C6orf52: variants seen among roughly 807,000 people sequenced by gnomAD.
C6orf52 encodes putative uncharacterized protein C6orf52.
In C6orf52, 16 loss-of-function variants were observed where a neutral mutation model predicts 16.6. That is an observed-to-expected ratio of 0.96 (90% CI 0.65 to 1.46). The LOEUF (loss-of-function observed/expected upper bound fraction) is 1.46, where lower values mean the gene tolerates loss of function less well. Among genes scored for constraint, C6orf52 ranks in the 40% most tolerant of loss-of-function variants. The probability of loss-of-function intolerance (pLI) is 0.00; values close to 1 mark genes in which losing one functional copy is unlikely to be tolerated. For synonymous variants in C6orf52, 53 were observed against 61.4 expected (o/e 0.86, Z 0.64); for missense variants, 166 against 182.3 (o/e 0.91, Z 0.52).
rs1027957407 is a variant in C6orf52, at chr6:10,694,600, G to A, written c.-118C>T. 1.2e-5 allele frequency: 2 copies of A among 173,776 alleles called. No homozygotes were observed. The highest frequency in any genetic ancestry group is 2.5e-5 in the Non-Finnish European group (2 of 80,086). 10.8% of individuals were successfully genotyped at this position (173,776 alleles called of 1,614,324 possible). ...ACGCTGCCGGCGCTACAGCCCCTAA[G>A]CAACCGGCCGGAAGTCGGCCCCACC... On this transcript the variant is annotated 5_prime_UTR_variant, in exon 1 of 5. Transcript: ENST00000259983.
intron 4 of C6orf52, among the ~76,000 whole-genome samples, chr6:10,676,494 A>T (rs1481603491): frequency 6.6e-6 from 1 of 152,240 alleles, no homozygotes; most frequent in Non-Finnish European, 1.5e-5. Flanking sequence ...TGCCAATAGG[A>T]AAAAGCTACC....
chr6:10,679,744 T>A (rs986659837), intron 4 of C6orf52, among the ~76,000 whole-genome samples: 2 of 152,210 alleles, frequency 1.3e-5, no homozygotes, highest in East Asian at 3.8e-4. Flanking sequence ...AGACTTCTAA[T>A]ATTATGTTGA....
intron 4 of C6orf52, chr6:10,672,424 T>C (rs1767513428): frequency 5.8e-6 from 3 of 519,694 alleles, no homozygotes; most frequent in Admixed American, 3.5e-5. Context: ...ACCCCCACAA[T>C]GTGAAGGCAT....
rs1767409014 is a variant in C6orf52, at chr6:10,671,423, A to G, written c.*33T>C. ...CAAAACAAAAGACGACACAATTAGTATGATAATTGCGGAGTTTAATGAACA... is the reference window on the plus strand; with the variant it reads ...CAAAACAAAAGACGACACAATTAGTGTGATAATTGCGGAGTTTAATGAACA... On this transcript the variant is annotated 3_prime_UTR_variant, in exon 5 of 5. Transcript: ENST00000259983. 2 of 1,505,670 alleles carry G rather than the reference A, an allele frequency of 1.3e-6. No homozygotes were observed. The highest frequency in any genetic ancestry group is 1.8e-6 in the Non-Finnish European group (2 of 1,127,826). The allele number at this position is 1,505,670 out of a possible 1,614,324, so 93.3% of individuals were successfully genotyped here.
At chr6:10,694,657 G>T (rs1769715000), upstream of C6orf52, 1 of 247,444 alleles carries the variant, frequency 4.0e-6, no homozygotes, top group Non-Finnish European at 8.0e-6. Flanking sequence ...GAAGGGCTTC[G>T]CAGAGGATGT....
intron 1 of C6orf52, among the ~76,000 whole-genome samples, chr6:10,691,275 G>A (rs140725338): frequency 1.2e-3 from 177 of 152,242 alleles, no homozygotes; most frequent in African/African-American, 3.9e-3. Flanking sequence ...TTATTCGGCC[G>A]GGATCTTCGG....
chr6:10,692,783 CAA>C (rs1362765017), intron 1 of C6orf52, among the ~76,000 whole-genome samples: 6 of 152,078 alleles, frequency 3.9e-5, no homozygotes, highest in African/African-American at 9.7e-5. Context: ...CTAGGCCTCG[CAA>C]AGTGCTGGGA....
At chr6:10,682,203 G>T (rs950011169) in intron 4 of C6orf52, among the ~76,000 whole-genome samples, 8 of 152,102 alleles carry the variant, frequency 5.3e-5, no homozygotes, top group Non-Finnish European at 1.0e-4. Context: ...GTGAGACAAG[G>T]ACCCAGATTT....
At chr6:10,674,642 T>TC (rs201306955) in intron 4 of C6orf52, 27 of 145,990 alleles carry the variant, frequency 1.8e-4, no homozygotes, top group South Asian at 4.2e-4. Context: ...TTTCTTTCTT[T>TC]TTTTTTTTTT....
At chr6:10,688,598 CAG>C (rs1429328956) in intron 1 of C6orf52, among the ~76,000 whole-genome samples, 2 of 152,166 alleles carry the variant, frequency 1.3e-5, no homozygotes. Context: ...GGATCCCCCT[CAG>C]ATACCAAAAT....
chr6:10,684,927 C>T (rs1191011655), intron 3 of C6orf52: 2 of 1,274,092 alleles, frequency 1.6e-6, no homozygotes, highest in South Asian at 1.3e-5. Context: ...GGGGTCACTA[C>T]AGCCACAAAA....
intron 3 of C6orf52, among the ~76,000 whole-genome samples, chr6:10,683,852 A>T (rs1017573679): frequency 1.3e-5 from 2 of 152,352 alleles, no homozygotes; most frequent in East Asian, 3.9e-4. Context: ...CTACTGGGGC[A>T]GCATACGTTT....
intron 4 of C6orf52, among the ~76,000 whole-genome samples, chr6:10,677,748 G>C (rs931653903): frequency 6.6e-6 from 1 of 151,714 alleles, no homozygotes; most frequent in Non-Finnish European, 1.5e-5. Context: ...TGACCAGGCT[G>C]TTCTTGAACT....
intron 3 of C6orf52, among the ~76,000 whole-genome samples, chr6:10,686,194 A>G (rs1466061118): frequency 6.6e-6 from 1 of 152,162 alleles, no homozygotes; most frequent in Non-Finnish European, 1.5e-5. Flanking sequence ...TCTTGCCCAG[A>G]CCATAAGTGG....
intron 4 of C6orf52, among the ~76,000 whole-genome samples, chr6:10,682,866 G>A (rs866741243): frequency 2.0e-5 from 3 of 152,210 alleles, no homozygotes; most frequent in African/African-American, 7.2e-5. Context: ...CTTCCCCCTT[G>A]AAAAAGAGAA....
chr6:10,671,537 T>A lies in C6orf52; in HGVS notation c.378A>T (p.Glu126Asp). ...GGCAATTCATGAGGGAGTCGTAGAG[T>A]TCTTCACTTTTCACCATAAACTCTT... ...SNQEFMVKSEELYDSLMNCHW... is the reference protein window; with the variant it reads ...SNQEFMVKSEDLYDSLMNCHW... Residue 126 changes from glutamate (E) to aspartate (D), a missense_variant, in exon 5 of 5, where the codon GAA becomes GAT. Physicochemically the swap from Glu to Asp is conservative, Grantham distance 45 (BLOSUM62 2). Transcript: ENST00000259983. 1 of 1,548,846 alleles carries A rather than the reference T, an allele frequency of 6.5e-7. No homozygotes were observed.
At chr6:10,682,962 G>T (rs1768535291) in intron 4 of C6orf52, among the ~76,000 whole-genome samples, 1 of 152,220 alleles carries the variant, frequency 6.6e-6, no homozygotes, top group Non-Finnish European at 1.5e-5. Flanking sequence ...GTTTGGGAAT[G>T]TCCCCCTTTC....
intron 4 of C6orf52, among the ~76,000 whole-genome samples, chr6:10,677,879 G>A (rs1768034512): frequency 6.6e-6 from 1 of 151,862 alleles, no homozygotes; most frequent in African/African-American, 2.4e-5. Flanking sequence ...TATTTTGATA[G>A]AGAGTACATT....
At chr6:10,683,014 T>C (rs1392736239) in intron 4 of C6orf52, among the ~76,000 whole-genome samples, 173 bp downstream of exon 4, 2 of 152,252 alleles carry the variant, frequency 1.3e-5, no homozygotes, top group African/African-American at 4.8e-5. Flanking sequence ...TTAGTTAAAG[T>C]TGTTCCCATA....
Sources: gnomAD v4.1 joint callset for allele counts (sites outside exome capture counted in the v4.1 genomes callset) on GRCh38, gnomAD v4.1.1 for gene constraint, MANE v1.5 for transcripts, NCBI Gene and HGNC (gene_info 2026-07-23, HGNC 2026-07-21) for gene names.